The following TMEM80 variants were observed in gnomAD, a reference collection of about 807,000 sequenced individuals.
TMEM80 encodes transmembrane protein 80.
Under a neutral mutation model 13.6 loss-of-function variants are expected in TMEM80, and 16 were observed. That is an observed-to-expected ratio of 1.17 (90% confidence interval 0.79 to 1.78). The LOEUF is 1.78. TMEM80 is among the 40% of genes most tolerant of loss of function. The probability of loss-of-function intolerance (pLI) is 0.00; values close to 1 mark genes in which losing one functional copy is unlikely to be tolerated. For missense variants in TMEM80, 167 were observed against 184.6 expected (o/e 0.90, Z 0.55); for synonymous variants, 92 against 89.5 (o/e 1.03, Z -0.16).
intron 1 of TMEM80, chr11:697,867 T>G (rs1036074191): frequency 5.9e-5 from 9 of 152,276 alleles, no homozygotes; most frequent in African/African-American, 2.2e-4. Context: ...GTCCTGTATT[T>G]ACTGGCTTAA....
At chr11:700,537 AAAAGG>A in intron 3 of TMEM80, 73 bp from the exon 4 acceptor site, 1 of 1,229,526 alleles carries the variant, frequency 8.1e-7, no homozygotes, top group Non-Finnish European at 1.2e-6. Context: ...AAAAAAAAAA[AAAAGG>A]AAAAGGCAAG....
chr11:699,981 G>A (rs1387267893), intron 2 of TMEM80, 161 bp from the exon 3 acceptor site: 3 of 600,358 alleles, frequency 5.0e-6, no homozygotes, highest in Non-Finnish European at 8.9e-6. Flanking sequence ...AGCCAGCATA[G>A]TGACAGAAGC....
upstream of TMEM80, chr11:695,739 C>T (rs1302047380): frequency 1.3e-5 from 16 of 1,240,256 alleles, no homozygotes; most frequent in African/African-American, 4.6e-5. Flanking sequence ...GCCCCTTCGT[C>T]AGGAGACGCG....
At chr11:702,405 G>A (rs1301296586) in intron 4 of TMEM80, among the ~76,000 whole-genome samples, 3 of 152,222 alleles carry the variant, frequency 2.0e-5, no homozygotes, top group African/African-American at 7.2e-5. Context: ...GCCCTGCTGG[G>A]GGCTGCTAGG....
downstream of TMEM80, chr11:704,481 T>G: frequency 7.8e-7 from 1 of 1,289,264 alleles, no homozygotes; most frequent in Non-Finnish European, 1.0e-6. Flanking sequence ...AGGACCCACT[T>G]CACACACCAG....
chr11:701,335 C>T (rs1478727669), intron 4 of TMEM80, among the ~76,000 whole-genome samples: 2 of 151,844 alleles, frequency 1.3e-5, no homozygotes, highest in East Asian at 1.9e-4. Context: ...ATTACAGGCA[C>T]CTGCCACCAC....
At chr11:695,815 C>A, upstream of TMEM80, 1 of 1,232,096 alleles carries the variant, frequency 8.1e-7, no homozygotes, top group Non-Finnish European at 1.0e-6. Flanking sequence ...GACCGGCGGG[C>A]GGGGCGGGTA....
At chr11:696,721 G>T (rs10902196) in intron 1 of TMEM80, among the ~76,000 whole-genome samples, 549 of 5,014 alleles carry the variant, frequency 0.11, 45 homozygotes, top group African/African-American at 0.15. Flanking sequence ...AGCCGTGATG[G>T]CGCCACTGCA....
intron 1 of TMEM80, among the ~76,000 whole-genome samples, chr11:696,808 A>C (rs1315651374): frequency 1.0e-4 from 1 of 9,606 alleles, no homozygotes. Context: ...GGCCAGGCGC[A>C]GTAGCTCACG....
intron 2 of TMEM80, 176 bp from the exon 3 acceptor site, chr11:699,966 T>C (rs1383461217): frequency 3.8e-5 from 22 of 577,724 alleles, no homozygotes; most frequent in Non-Finnish European, 6.2e-5. Flanking sequence ...TGGGACCACA[T>C]TGGCAGCCAG....
intron 1 of TMEM80, chr11:697,378 C>A (rs1231336633): frequency 6.6e-6 from 1 of 152,248 alleles, no homozygotes; most frequent in Non-Finnish European, 1.5e-5. Context: ...TTCGTAGCCA[C>A]ATTGTGATTA....
chr11:698,964 C>A, intron 2 of TMEM80, 76 bp downstream of exon 2: 5 of 1,575,016 alleles, frequency 3.2e-6, no homozygotes, highest in Non-Finnish European at 3.5e-6. Context: ...CTCGGCCTCA[C>A]CCCACGTTTT....
At chr11:695,752 A>T, upstream of TMEM80, 3 of 1,239,516 alleles carry the variant, frequency 2.4e-6, no homozygotes, top group Non-Finnish European at 3.0e-6. Flanking sequence ...GAGACGCGAA[A>T]ATGGCCGAAG....
intron 4 of TMEM80, 107 bp from the exon 5 acceptor site, chr11:702,838 T>C (rs969585590): frequency 8.1e-6 from 9 of 1,111,798 alleles, no homozygotes; most frequent in South Asian, 1.7e-5. Flanking sequence ...CGGAGGAACG[T>C]AGGGCAAGGA....
At chr11:700,350 A>C (rs1474338235) in intron 3 of TMEM80, 115 bp downstream of exon 3, 3 of 976,602 alleles carry the variant, frequency 3.1e-6, no homozygotes, top group Admixed American at 2.1e-5. Flanking sequence ...AACATGGGGA[A>C]ACCCCATCTC....
rs775423041 is a variant in TMEM80, at chr11:702,985, C to G, written c.267C>G (p.Ala89=). Residue 89 remains alanine, a synonymous_variant, in exon 5 of 5, where the codon GCC becomes GCG. Coordinates refer to ENST00000397510, the MANE Select transcript of TMEM80 (RefSeq NM_001042463.3). The part of the protein sequence containing the change: ...GNLTEAERPL[A]ASLALTAGTA... The stretch of plus-strand genomic sequence containing the variant: ...TGACAGAGGCTGAGAGGCCGCTGGC[C>G]GCCAGCCTGGCCCTCACGGCTGGCA... 1 of 1,610,900 alleles carries G rather than the reference C, an allele frequency of 6.2e-7. No homozygotes were observed. Among genetic ancestry groups the G allele is most frequent in the East Asian group, 2.2e-5 (1 of 44,838 alleles).
Position 702,990 on chromosome 11 carries a change from G to C in TMEM80, c.272G>C (p.Ser91Thr). The C allele has an allele frequency of 1.2e-6, 2 of 1,611,654 alleles. No individual in the cohort carries two copies. The highest frequency in any genetic ancestry group is 8.5e-7 in the Non-Finnish European group (1 of 1,179,630). ...GAGGCTGAGAGGCCGCTGGCCGCCAGCCTGGCCCTCACGGCTGGCACCGCC... is the reference window on the plus strand; with the variant it reads ...GAGGCTGAGAGGCCGCTGGCCGCCACCCTGGCCCTCACGGCTGGCACCGCC... ...LTEAERPLAA[S>T]LALTAGTALL... The change falls in exon 5 of 5, where the codon AGC becomes ACC. Residue 91 changes from serine to threonine, a missense_variant. Transcript: ENST00000397510.
chr11:704,531 C>T, downstream of TMEM80: 1 of 1,289,418 alleles, frequency 7.8e-7, no homozygotes. Flanking sequence ...CCAGCGCCTG[C>T]ACTCGCAGAA....
downstream of TMEM80, chr11:704,357 A>G (rs1301731086): frequency 4.1e-6 from 4 of 981,186 alleles, no homozygotes; most frequent in Non-Finnish European, 5.6e-6. Context: ...GCACCTGGAC[A>G]GTCTTTCCTG....
Sources: gnomAD v4.1 joint callset for allele counts (sites outside exome capture counted in the v4.1 genomes callset) on GRCh38, gnomAD v4.1.1 for gene constraint, MANE v1.5 for transcripts, NCBI Gene and HGNC (gene_info 2026-07-23, HGNC 2026-07-21) for gene names.